NUDT3: variants seen among roughly 807,000 people sequenced by gnomAD.
NUDT3 encodes nudix hydrolase 3.
In NUDT3, 9 loss-of-function variants were observed where a neutral mutation model predicts 23.6. The ratio of observed to expected loss-of-function variants is 0.38; its 90% confidence interval spans 0.23 to 0.66. The LOEUF (loss-of-function observed/expected upper bound fraction) is 0.66. Ranked by LOEUF, NUDT3 falls within the 30% of genes least tolerant of loss-of-function variation. The pLI, the probability that NUDT3 is intolerant of heterozygous loss-of-function variation, is 0.52. For synonymous variants in NUDT3, 86 were observed against 82.6 expected (o/e 1.04, Z -0.22); for missense variants, 172 against 218.5 (o/e 0.79, Z 1.34).
chr6:34,381,870 C>T (rs763175419), intron 1 of NUDT3, among the ~76,000 whole-genome samples: 49 of 151,642 alleles, frequency 3.2e-4, no homozygotes, highest in Non-Finnish European at 6.5e-4. Context: ...GTCAGGAGTT[C>T]GAGACCAGCC....
chr6:34,373,588 T>A (rs1457809280), intron 1 of NUDT3, among the ~76,000 whole-genome samples: 2 of 152,136 alleles, frequency 1.3e-5, no homozygotes, highest in Non-Finnish European at 2.9e-5. Flanking sequence ...AACATCTTTA[T>A]AATGGAAGGA....
chr6:34,389,825 G>C (rs1159460790), intron 1 of NUDT3, among the ~76,000 whole-genome samples: 1 of 152,104 alleles, frequency 6.6e-6, no homozygotes, highest in African/African-American at 2.4e-5. Flanking sequence ...TTAGCCAGAC[G>C]TGGTCGCGGG....
In NUDT3 at chr6:34,295,703, CAATT is replaced by C; in HGVS notation, c.211-22_211-19del. The C allele has an allele frequency of 6.2e-7, 1 of 1,613,452 alleles. No individual in the cohort carries two copies. The highest frequency in any genetic ancestry group is 8.5e-7 in the Non-Finnish European group (1 of 1,179,692). ...ACTCCAGCCTAGAAAGTGAAAAGAA[CAATT>C]AATGCACTGATAGTATTATATTGCT... On this transcript the variant is annotated intron_variant, in intron 2 of 4. Transcript: ENST00000607016.
chr6:34,376,033 T>C (rs192406145), intron 1 of NUDT3, among the ~76,000 whole-genome samples: 2 of 152,142 alleles, frequency 1.3e-5, no homozygotes, highest in African/African-American at 4.8e-5. Flanking sequence ...TCCCTGACAC[T>C]CCACACTGTA....
intron 2 of NUDT3, among the ~76,000 whole-genome samples, chr6:34,302,781 A>C (rs56274913): frequency 0.095 from 14,392 of 152,212 alleles, 793 homozygotes; most frequent in Non-Finnish European, 0.12. Context: ...TTCCTATGGC[A>C]TAAAATTACA....
At chr6:34,320,318 C>T (rs774164022) in intron 2 of NUDT3, among the ~76,000 whole-genome samples, 49 of 152,088 alleles carry the variant, frequency 3.2e-4, no homozygotes, top group Non-Finnish European at 6.3e-4. Flanking sequence ...CTCCGCCTCC[C>T]GGGTTTAAAG....
chr6:34,383,726 A>G (rs1301074117), intron 1 of NUDT3, among the ~76,000 whole-genome samples: 1 of 151,928 alleles, frequency 6.6e-6, no homozygotes, highest in African/African-American at 2.4e-5. Context: ...AAGCAGAAAC[A>G]AAGAAGTAGG....
At chr6:34,355,689 TG>T (rs1219740325) in intron 1 of NUDT3, among the ~76,000 whole-genome samples, 1 of 99,822 alleles carries the variant, frequency 1.0e-5, no homozygotes, top group East Asian at 3.7e-4. Context: ...GCTGTTTTTT[TG>T]GGGGGGTGGG....
intron 2 of NUDT3, among the ~76,000 whole-genome samples, chr6:34,297,753 A>T (rs1371556646): frequency 2.1e-4 from 21 of 98,182 alleles, no homozygotes; most frequent in African/African-American, 5.8e-4. Flanking sequence ...ATATATATAT[A>T]TATATAATTT....
At chr6:34,330,020 G>A (rs1764104218) in intron 2 of NUDT3, among the ~76,000 whole-genome samples, 1 of 152,192 alleles carries the variant, frequency 6.6e-6, no homozygotes, top group Non-Finnish European at 1.5e-5. Flanking sequence ...CAGTGCCTAT[G>A]TGCCACATTT....
At chr6:34,363,943 T>A (rs1764687669) in intron 1 of NUDT3, among the ~76,000 whole-genome samples, 1 of 152,082 alleles carries the variant, frequency 6.6e-6, no homozygotes, top group Non-Finnish European at 1.5e-5. Context: ...CAGCTAATAT[T>A]TGTATTTTTA....
intron 2 of NUDT3, among the ~76,000 whole-genome samples, chr6:34,305,375 T>C (rs1230238788): frequency 6.6e-6 from 1 of 152,232 alleles, no homozygotes; most frequent in Non-Finnish European, 1.5e-5. Flanking sequence ...TTTGTAACAT[T>C]CTTATAATTT....
intron 2 of NUDT3, among the ~76,000 whole-genome samples, chr6:34,322,982 A>G (rs1362133368): frequency 1.3e-5 from 2 of 152,234 alleles, no homozygotes; most frequent in African/African-American, 4.8e-5. Context: ...CATTATCCTA[A>G]GCAAATTAAC....
chr6:34,291,512 A>T (rs979062367), intron 4 of NUDT3, among the ~76,000 whole-genome samples: 27 of 148,096 alleles, frequency 1.8e-4, no homozygotes, highest in Admixed American at 1.2e-3. Context: ...ATTGACAAAA[A>T]TTTTTTTTTT....
intron 1 of NUDT3, among the ~76,000 whole-genome samples, chr6:34,367,375 G>A (rs2113756937): frequency 6.6e-6 from 1 of 151,960 alleles, no homozygotes; most frequent in South Asian, 2.1e-4. Context: ...CCAGCTACTT[G>A]GGAGGCTGAA....
At chr6:34,367,339 G>T (rs1026074195) in intron 1 of NUDT3, among the ~76,000 whole-genome samples, 2 of 151,944 alleles carry the variant, frequency 1.3e-5, no homozygotes, top group Non-Finnish European at 2.9e-5. Flanking sequence ...AAAATTAGCC[G>T]GGTGTGGTGG....
At chr6:34,371,346 G>A (rs1209923826) in intron 1 of NUDT3, among the ~76,000 whole-genome samples, 1 of 148,900 alleles carries the variant, frequency 6.7e-6, no homozygotes, top group South Asian at 2.1e-4. Flanking sequence ...CGTGCCGGTA[G>A]TCCAAGCTAC....
At chr6:34,351,895 G>A (rs926014093) in intron 1 of NUDT3, among the ~76,000 whole-genome samples, 14 of 151,958 alleles carry the variant, frequency 9.2e-5, no homozygotes, top group Non-Finnish European at 1.0e-4. Flanking sequence ...CCTTGAGTAT[G>A]GCTTGAATAT....
At chr6:34,373,754 GC>G (rs1764874669) in intron 1 of NUDT3, among the ~76,000 whole-genome samples, 1 of 152,198 alleles carries the variant, frequency 6.6e-6, no homozygotes, top group Non-Finnish European at 1.5e-5. Context: ...AGCAATAGAT[GC>G]TGCTGAAGTT....
Sources: gnomAD v4.1 joint callset for allele counts (sites outside exome capture counted in the v4.1 genomes callset) on GRCh38, gnomAD v4.1.1 for gene constraint, MANE v1.5 for transcripts, NCBI Gene and HGNC (gene_info 2026-07-23, HGNC 2026-07-21) for gene names.